DACH2: variants seen among roughly 807,000 people sequenced by gnomAD.
DACH2 encodes dachshund homolog 2.
A neutral mutation model predicts 35.8 loss-of-function variants in DACH2; 17 were observed. That is an observed-to-expected ratio of 0.48 (90% CI 0.33 to 0.71). The LOEUF is 0.71. Among genes scored for constraint, DACH2 ranks in the 30% least tolerant of loss-of-function variants. The probability of loss-of-function intolerance (pLI) is 0.02; values close to 1 mark genes in which losing one functional copy is unlikely to be tolerated. For synonymous variants in DACH2, 195 were observed against 177.3 expected (o/e 1.10, Z -0.79); for missense variants, 469 against 472.7 (o/e 0.99, Z 0.07).
At chrX:86,441,142 A>G (rs746416094) in intron 2 of DACH2, among the ~76,000 whole-genome samples, 3 of 111,569 alleles carry the variant, frequency 2.7e-5, no homozygotes, top group Non-Finnish European at 3.8e-5. Flanking sequence ...GTGTATAGTA[A>G]TCACATCAGG....
intron 1 of DACH2, among the ~76,000 whole-genome samples, chrX:86,278,717 G>T (rs775911214): frequency 8.9e-6 from 1 of 111,791 alleles, no homozygotes; most frequent in Non-Finnish European, 1.9e-5. Context: ...TGGAAAAGGG[G>T]ATGAAGCCAG....
chrX:86,322,426 G>A (rs1186361879), intron 1 of DACH2, among the ~76,000 whole-genome samples: 4 of 110,840 alleles, frequency 3.6e-5, no homozygotes, highest in African/African-American at 1.3e-4. Context: ...TGTGACCCAG[G>A]GTGGAGGGGA....
intron 1 of DACH2, among the ~76,000 whole-genome samples, chrX:86,240,155 C>A (rs1569312924): frequency 9.0e-6 from 1 of 111,376 alleles, no homozygotes; most frequent in Non-Finnish European, 1.9e-5. Flanking sequence ...TCATTTGAAG[C>A]CAGTCTTGGA....
At chrX:86,182,884 C>T (rs1263757933) in intron 1 of DACH2, among the ~76,000 whole-genome samples, 1 of 111,326 alleles carries the variant, frequency 9.0e-6, no homozygotes, top group Admixed American at 9.6e-5. Context: ...TAGAAGAGGT[C>T]GTCTGCATGC....
chrX:86,245,336 G>A (rs764778635), intron 1 of DACH2, among the ~76,000 whole-genome samples: 164 of 111,725 alleles, frequency 1.5e-3, no homozygotes, highest in African/African-American at 5.2e-3. Context: ...CATGCTTATG[G>A]ACTCTGTTGC....
intron 2 of DACH2, among the ~76,000 whole-genome samples, chrX:86,395,645 T>G (rs1431870162): frequency 9.0e-6 from 1 of 111,197 alleles, no homozygotes; most frequent in African/African-American, 3.3e-5. Context: ...GTGTTTGGTT[T>G]TTTGTCCTTG....
chrX:86,475,666 G>T (rs1355608910), intron 2 of DACH2, among the ~76,000 whole-genome samples: 1 of 111,498 alleles, frequency 9.0e-6, no homozygotes, highest in Non-Finnish European at 1.9e-5. Flanking sequence ...CAAACTGAAT[G>T]CTCTTTATTT....
In DACH2 at chrX:86,288,955, A is replaced by C. The variant is rs191142074; in HGVS notation, c.489-87869A>C. Among the ~76,000 whole-genome samples, 3 of 111,027 alleles carry C rather than the reference A, an allele frequency of 2.7e-5. No individual in the cohort carries two copies. In the East Asian group the frequency reaches 8.6e-4, roughly 32 times the overall value. On this transcript the variant is annotated intron_variant, in intron 1 of 11. Transcript: ENST00000373125. ...CTCTCTATTTTTCTCAAGTGGAAGG[A>C]GTCTTGCCCTGTAGCCACCATAGCT...
chrX:86,813,708 G>T (rs2042418647), intron 9 of DACH2, among the ~76,000 whole-genome samples: 1 of 109,112 alleles, frequency 9.2e-6, no homozygotes, highest in African/African-American at 3.3e-5. Context: ...ACTTACCTTG[G>T]TCCCCTGGCC....
chrX:86,585,886 G>A (rs2039563927), intron 3 of DACH2, among the ~76,000 whole-genome samples: 1 of 111,369 alleles, frequency 9.0e-6, no homozygotes, highest in African/African-American at 3.3e-5. Context: ...GTGTGCATGT[G>A]TCTACATGGT....
intron 3 of DACH2, among the ~76,000 whole-genome samples, chrX:86,593,361 C>T (rs1487603012): frequency 9.4e-6 from 1 of 106,166 alleles, no homozygotes; most frequent in Non-Finnish European, 1.9e-5. Context: ...GAAGTAAACC[C>T]TATTTGATCA....
chrX:86,627,056 T>G (rs1301243458), intron 3 of DACH2, among the ~76,000 whole-genome samples: 1 of 112,763 alleles, frequency 8.9e-6, no homozygotes, highest in Non-Finnish European at 1.9e-5. Flanking sequence ...TGTTAAACTT[T>G]TATGCTCTGC....
chrX:86,786,699 A>T (rs1307034183), intron 7 of DACH2, among the ~76,000 whole-genome samples: 1 of 112,217 alleles, frequency 8.9e-6, no homozygotes, highest in Non-Finnish European at 1.9e-5. Context: ...TGGCTGCTGG[A>T]TTGGGAAAAT....
Position 86,375,290 on chromosome X carries a change from G to A in DACH2, c.489-1534G>A, listed in dbSNP as rs2035945292. 3.9e-5 allele frequency among the ~76,000 whole-genome samples: 4 copies of A among 103,724 alleles called. No individual in the cohort carries two copies. In the South Asian group the frequency reaches 1.2e-3, roughly 32 times the overall value. The allele number at this position is 103,724 out of a possible 115,157, so 90.1% of individuals were successfully genotyped here. A position where few individuals can be genotyped will look rare whatever the true frequency, so the allele number is the denominator to read the frequency against. On this transcript the variant is annotated intron_variant, in intron 1 of 11. Coordinates refer to ENST00000373125, the MANE Select transcript of DACH2 (RefSeq NM_053281.3). ...AACCTATGAAACTCATGCCATAGGA[G>A]ATGTAAATGATTTTGATTTTGGTGA...
chrX:86,297,953 T>C (rs1291148600), intron 1 of DACH2, among the ~76,000 whole-genome samples: 1 of 111,804 alleles, frequency 8.9e-6, no homozygotes, highest in Non-Finnish European at 1.9e-5. Flanking sequence ...AAGAATGACA[T>C]ATAAAACTTG....
At chrX:86,430,602 T>C (rs1287209086) in intron 2 of DACH2, among the ~76,000 whole-genome samples, 1 of 112,394 alleles carries the variant, frequency 8.9e-6, no homozygotes, top group African/African-American at 3.2e-5. Context: ...ACTGGCTTTA[T>C]AGAAGAAACT....
At chrX:86,718,045 G>T (rs1365631296) in intron 6 of DACH2, among the ~76,000 whole-genome samples, 1 of 109,850 alleles carries the variant, frequency 9.1e-6, no homozygotes, top group Non-Finnish European at 1.9e-5. Context: ...TTGTTGGATT[G>T]AGTGGTAGTT....
chrX:86,174,854 A>AT (rs1357454674), intron 1 of DACH2, among the ~76,000 whole-genome samples: 1 of 109,856 alleles, frequency 9.1e-6, no homozygotes, highest in Non-Finnish European at 1.9e-5. Context: ...ATTATTTTTA[A>AT]TTTTTTTGTG....
rs907044035 is a variant in DACH2 at position 86,235,610 on chromosome X, C to T, written c.488+86502C>T. 1.4e-4 allele frequency among the ~76,000 whole-genome samples: 16 copies of T among 112,004 alleles called. No homozygotes were observed. The South Asian group carries it at 4.0e-3, about 28-fold the overall frequency. On this transcript the variant is annotated intron_variant, in intron 1 of 11. Coordinates refer to ENST00000373125, the MANE Select transcript of DACH2 (RefSeq NM_053281.3). ...GCCACATGGGTAGCAGAGGTAGTAA[C>T]GCCTTTGCTTTCTGATAGTTCAATG... is the stretch of plus-strand genomic sequence containing the variant.
Sources: allele counts gnomAD v4.1 joint callset (sites outside exome capture counted in the v4.1 genomes callset), GRCh38; gene constraint gnomAD v4.1.1; transcripts MANE v1.5; gene names NCBI Gene and HGNC (gene_info 2026-07-23, HGNC 2026-07-21).